The following SLC9B1 variants were observed in gnomAD, a reference collection of about 807,000 sequenced individuals.
The protein encoded by SLC9B1 is sodium/hydrogen exchanger 9B1.
In SLC9B1, 32 loss-of-function variants were observed where a neutral mutation model predicts 51.7. The observed-to-expected ratio is 0.62, with a 90% CI of 0.47 to 0.83. The LOEUF is 0.83. SLC9B1 is among the 40% of genes least tolerant of loss of function. The probability of loss-of-function intolerance (pLI) is 0.00; values close to 1 mark genes in which losing one functional copy is unlikely to be tolerated. For missense variants in SLC9B1, 406 were observed against 613.2 expected (o/e 0.66, Z 3.57); for synonymous variants, 145 against 212.7 (o/e 0.68, Z 2.77).
At chr4:102,904,983 C>CA (rs58493959) in intron 11 of SLC9B1, among the ~76,000 whole-genome samples, 2,654 of 144,196 alleles carry the variant, frequency 0.018, 74 homozygotes, top group African/African-American at 0.059. Context: ...GACTCTGTCT[C>CA]AAAAAAAAAA....
At chr4:103,014,269 T>G (rs1235906668) in intron 1 of SLC9B1, among the ~76,000 whole-genome samples, 1 of 152,224 alleles carries the variant, frequency 6.6e-6, no homozygotes, top group Non-Finnish European at 1.5e-5. Flanking sequence ...TTGCTTTTCA[T>G]CCAGCTAACG....
At chr4:102,907,806 G>T (rs1269289328) in intron 9 of SLC9B1, among the ~76,000 whole-genome samples, 1 of 152,122 alleles carries the variant, frequency 6.6e-6, no homozygotes, top group African/African-American at 2.4e-5. Flanking sequence ...TTTAAAAAAA[G>T]AAAAACAAAG....
At chr4:102,969,908 A>C (rs1386822087) in intron 3 of SLC9B1, among the ~76,000 whole-genome samples, 1 of 152,220 alleles carries the variant, frequency 6.6e-6, no homozygotes, top group African/African-American at 2.4e-5. Context: ...AATCAAATGA[A>C]TGAAATGAAG....
At chr4:102,972,139 T>C (rs1236714388) in intron 3 of SLC9B1, among the ~76,000 whole-genome samples, 1 of 152,114 alleles carries the variant, frequency 6.6e-6, no homozygotes, top group East Asian at 1.9e-4. Flanking sequence ...TACCACATTT[T>C]ATGAGGCCAG....
At chr4:102,995,737 A>C (rs1232790497) in intron 1 of SLC9B1, among the ~76,000 whole-genome samples, 1 of 152,206 alleles carries the variant, frequency 6.6e-6, no homozygotes, top group African/African-American at 2.4e-5. Flanking sequence ...CTCTTCTCTT[A>C]TCTTTTCATA....
At chr4:102,939,151 AAAAAG>A (rs1736864483) in intron 6 of SLC9B1, among the ~76,000 whole-genome samples, 1 of 151,606 alleles carries the variant, frequency 6.6e-6, no homozygotes, top group Non-Finnish European at 1.5e-5. Flanking sequence ...AGGAAAAAAA[AAAAAG>A]AGAGAGAGAA....
rs80061148 is a variant in SLC9B1, at chr4:102,930,431, A to G, written c.829+1693T>C. ...GTATTATTTTTTAAATTAAAAAAAA[A>G]TTTTTTTTGAGACAGTGTCTCACTC... On this transcript the variant is annotated intron_variant, in intron 7 of 11. Transcript: ENST00000296422. Among the ~76,000 whole-genome samples the G allele has an allele frequency of 3.1e-3, 466 of 152,150 alleles. 3 individuals are homozygous for G. Among genetic ancestry groups the G allele is most frequent in the Non-Finnish European group, 3.7e-3 (253 of 68,006 alleles).
intron 7 of SLC9B1, among the ~76,000 whole-genome samples, chr4:102,930,545 C>T (rs1332670546): frequency 6.6e-6 from 1 of 152,132 alleles, no homozygotes; most frequent in African/African-American, 2.4e-5. Context: ...GCTGGGATTA[C>T]AGATGCCCAC....
In SLC9B1 at chr4:102,974,242, G is replaced by GAAAAAAAAAAAAA. The variant is rs141412944; in HGVS notation, c.211+15545_211+15557dup. Among the ~76,000 whole-genome samples the GAAAAAAAAAAAAA allele has an allele frequency of 5.4e-4, 29 of 53,434 alleles. 2 individuals are homozygous for GAAAAAAAAAAAAA. Among genetic ancestry groups the GAAAAAAAAAAAAA allele is most frequent in the East Asian group, 6.5e-4 (1 of 1,542 alleles). The allele number at this position is 53,434 out of a possible 152,430, so 35.1% of individuals were successfully genotyped here. A position where few individuals can be genotyped will look rare whatever the true frequency, so the allele number is the denominator to read the frequency against. ...ACAGAGCAAGACTCTGTCTAAAATT[G>GAAAAAAAAAAAAA]AAAAAAAAAAAAAAAAAAAAAAAAT... On this transcript the variant is annotated intron_variant, in intron 3 of 11. Coordinates refer to ENST00000296422, the MANE Select transcript of SLC9B1 (RefSeq NM_139173.4).
chr4:102,979,320 CTCTG>C (rs1002022135), intron 3 of SLC9B1, among the ~76,000 whole-genome samples: 4 of 152,116 alleles, frequency 2.6e-5, no homozygotes, highest in Non-Finnish European at 5.9e-5. Context: ...AAATCCATTC[CTCTG>C]TCTGTTTTGC....
chr4:102,888,642 G>C (rs1334590547), intron 11 of SLC9B1: 1 of 152,180 alleles, frequency 6.6e-6, no homozygotes, highest in Non-Finnish European at 1.5e-5. Flanking sequence ...TCTCATAATA[G>C]CTATCCTTAG....
At chr4:103,007,794 G>A (rs1295510468) in intron 1 of SLC9B1, among the ~76,000 whole-genome samples, 1 of 151,746 alleles carries the variant, frequency 6.6e-6, no homozygotes, top group Non-Finnish European at 1.5e-5. Context: ...GTCTCCCTAT[G>A]TTGCCCAGGC....
At chr4:102,907,852 C>T (rs1735129931) in intron 9 of SLC9B1, among the ~76,000 whole-genome samples, 1 of 152,232 alleles carries the variant, frequency 6.6e-6, no homozygotes. Flanking sequence ...GCATAATTAT[C>T]CTATTTGTTA....
chr4:102,903,679 A>T (rs1734892122), intron 11 of SLC9B1, among the ~76,000 whole-genome samples: 1 of 152,262 alleles, frequency 6.6e-6, no homozygotes, highest in South Asian at 2.1e-4. Flanking sequence ...AAGGTATATT[A>T]TGCTGCCAAG....
chr4:102,984,608 G>T (rs1739521966), intron 3 of SLC9B1, among the ~76,000 whole-genome samples: 1 of 152,132 alleles, frequency 6.6e-6, no homozygotes, highest in African/African-American at 2.4e-5. Flanking sequence ...TATGGCTCAG[G>T]ATATAGTCTG....
intron 1 of SLC9B1, among the ~76,000 whole-genome samples, chr4:102,996,332 C>CT (rs1469995778): frequency 7.2e-5 from 11 of 152,136 alleles, no homozygotes; most frequent in Non-Finnish European, 4.4e-5. Context: ...ATCTCCCACT[C>CT]TGTGTCTTGC....
At chr4:102,937,412 TAAAAAAAAAAAAAAA>T (rs754801733) in intron 6 of SLC9B1, among the ~76,000 whole-genome samples, 1 of 45,216 alleles carries the variant, frequency 2.2e-5, no homozygotes, top group African/African-American at 1.2e-4. Flanking sequence ...TCAGCATTCT[TAAAAAAAAAAAAAAA>T]AAAAAAAAAA....
intron 3 of SLC9B1, among the ~76,000 whole-genome samples, chr4:102,976,748 C>T (rs1023549544): frequency 3.3e-5 from 5 of 152,022 alleles, no homozygotes; most frequent in African/African-American, 9.7e-5. Context: ...TAAATTTGTC[C>T]GGATGAAGTG....
chr4:102,992,518 G>C (rs548675583), intron 1 of SLC9B1, among the ~76,000 whole-genome samples: 2 of 152,026 alleles, frequency 1.3e-5, no homozygotes, highest in Non-Finnish European at 2.9e-5. Context: ...TAACGAAAAG[G>C]AACATTAACA....
Sources: allele counts gnomAD v4.1 joint callset (sites outside exome capture counted in the v4.1 genomes callset), GRCh38; gene constraint gnomAD v4.1.1; transcripts MANE v1.5; gene names NCBI Gene and HGNC (gene_info 2026-07-23, HGNC 2026-07-21).